LGALS3BP: variants seen among roughly 807,000 people sequenced by gnomAD.
LGALS3BP encodes the protein galectin 3 binding protein, also known as galectin-3-binding protein.
LGALS3BP carries 25 observed loss-of-function variants against 22.9 expected under a neutral mutation model. The ratio of observed to expected loss-of-function variants is 1.09; its 90% confidence interval spans 0.80 to 1.53. The LOEUF (loss-of-function observed/expected upper bound fraction) is 1.53, where lower values mean the gene tolerates loss of function less well. Among genes scored for constraint, LGALS3BP ranks in the 40% most tolerant of loss-of-function variants. LGALS3BP has a pLI of 0.00. For synonymous variants in LGALS3BP, 335 were observed against 331.1 expected (o/e 1.01, Z -0.13); for missense variants, 718 against 752.0 (o/e 0.95, Z 0.53).
chr17:78,971,598 G>A lies in LGALS3BP; in HGVS notation c.1736C>T (p.Thr579Ile). 6.2e-7 allele frequency: 1 copy of A among 1,613,496 alleles called. No homozygotes were observed. The highest frequency in any genetic ancestry group is 8.5e-7 in the Non-Finnish European group (1 of 1,179,958). ...FRTVIRPFYL[T>I]NSSGVD ...CGTCTAGTCCACACCTGAGGAGTTGGTCAGGTAGAAGGGGCGGATGACCGT... is the reference window on the plus strand; with the variant it reads ...CGTCTAGTCCACACCTGAGGAGTTGATCAGGTAGAAGGGGCGGATGACCGT... The change falls in exon 6 of 6, where the codon ACC becomes ATC. Residue 579 changes from threonine (T) to isoleucine (I), a missense_variant. Transcript: ENST00000262776. The surrounding 1 kb of genome is among the most constrained non-coding windows in gnomAD (Gnocchi z 5.6).
chr17:78,973,371 G>T lies in LGALS3BP; in HGVS notation c.377-149C>A. ...GGGAAGACGAGGGACAAGAGAGACC[G>T]GAAGTGTCGGATTCCTGGACCCTGA... is the stretch of plus-strand genomic sequence containing the variant. On this transcript the variant is annotated intron_variant, in intron 4 of 5. Transcript: ENST00000262776. The surrounding 1 kb of genome is among the most constrained non-coding windows in gnomAD (Gnocchi z 5.8). The T allele has an allele frequency of 2.1e-6, 2 of 946,210 alleles. No homozygotes were observed. The highest frequency in any genetic ancestry group is 1.5e-6 in the Non-Finnish European group (1 of 657,814). 58.6% of individuals were successfully genotyped at this position (946,210 alleles called of 1,614,324 possible).
Position 78,971,480 on chromosome 17 carries a change from G to A in LGALS3BP, c.*96C>T. On this transcript the variant is annotated 3_prime_UTR_variant, in exon 6 of 6. Transcript: ENST00000262776. The surrounding 1 kb of genome is among the most constrained non-coding windows in gnomAD (Gnocchi z 5.6). ...GGGCGACATCTGGTGGCCGGTTGTT[G>A]AAGGTCATTGCAGAGAGGAAGGAAG... The A allele has an allele frequency of 8.5e-7, 1 of 1,175,118 alleles. No homozygotes were observed. The highest frequency in any genetic ancestry group is 1.2e-6 in the Non-Finnish European group (1 of 842,866). 72.8% of individuals were successfully genotyped at this position (1,175,118 alleles called of 1,614,324 possible). A position where few individuals can be genotyped will look rare whatever the true frequency, so the allele number is the denominator to read the frequency against.
rs913837954 is a variant in LGALS3BP, at chr17:78,971,840, C to G, written c.1494G>C (p.Ser498=). ...SCWNYGFSCS[S]DELPVLGLTK... The stretch of plus-strand genomic sequence containing the variant: ...TGAGGCCCAGGACAGGGAGCTCGTC[C>G]GAGGAGCAGGAGAAGCCGTAGTTCC... The change falls in exon 6 of 6, where the codon TCG becomes TCC. Residue 498 remains serine, a synonymous_variant. Transcript: ENST00000262776. The surrounding 1 kb of genome is among the most constrained non-coding windows in gnomAD (Gnocchi z 5.6). 6.2e-7 allele frequency: 1 copy of G among 1,613,930 alleles called. No individual in the cohort carries two copies. Among genetic ancestry groups the G allele is most frequent in the African/African-American group, 1.3e-5 (1 of 74,910 alleles).
chr17:78,977,780 G>A (rs369805194), intron 1 of LGALS3BP, among the ~76,000 whole-genome samples: 43 of 152,342 alleles, frequency 2.8e-4, no homozygotes, highest in African/African-American at 9.4e-4. Flanking sequence ...ACAGAGATAA[G>A]TGGCAGGGAG....
At chr17:78,977,977 G>A (rs565734953) in intron 1 of LGALS3BP, among the ~76,000 whole-genome samples, 23 of 152,318 alleles carry the variant, frequency 1.5e-4, no homozygotes, top group African/African-American at 4.3e-4. Context: ...TCTTGCCTCC[G>A]TGTAATTTCC....
intron 1 of LGALS3BP, among the ~76,000 whole-genome samples, chr17:78,977,949 C>T (rs2070734891): frequency 6.6e-6 from 1 of 152,196 alleles, no homozygotes; most frequent in African/African-American, 2.4e-5. Flanking sequence ...TCCGGGTCTC[C>T]ACCTTCTGGC....
At position 78,976,709 on chromosome 17, in the gene LGALS3BP, C is replaced by A. The variant is rs538391371; in HGVS notation, c.52+431G>T. On this transcript the variant is annotated intron_variant, in intron 2 of 5. Coordinates refer to ENST00000262776, the MANE Select transcript of LGALS3BP (RefSeq NM_005567.4). This position sits in a 1 kb window ranked among gnomAD's most constrained non-coding sequence, Gnocchi z 4.6. ...CGGGCAGGAGCTGGGTGCCTGAATC[C>A]AGTCGGGGGTACATCTGGCTTCCAT... 78 of 201,030 alleles carry A rather than the reference C, an allele frequency of 3.9e-4. No homozygotes were observed. The highest frequency in any genetic ancestry group is 1.8e-3 in the African/African-American group (75 of 42,436). The allele number at this position is 201,030 out of a possible 1,614,324, so 12.5% of individuals were successfully genotyped here. A position where few individuals can be genotyped will look rare whatever the true frequency, so the allele number is the denominator to read the frequency against.
At chr17:78,974,488 T>G in intron 4 of LGALS3BP, 200 bp downstream of exon 4, 2 of 587,418 alleles carry the variant, frequency 3.4e-6, no homozygotes, top group Non-Finnish European at 5.9e-6. Flanking sequence ...CAGAAGGGGC[T>G]GGGGAGGAGT....
rs1599199922 is a variant in LGALS3BP at position 78,971,341 on chromosome 17, C to T, written c.*235G>A. On this transcript the variant is annotated 3_prime_UTR_variant, in exon 6 of 6. Transcript: ENST00000262776. The surrounding 1 kb of genome is among the most constrained non-coding windows in gnomAD (Gnocchi z 5.6). Reference sequence around the variant, plus strand: ...CTGTGGGGGGATCCCAGAGCAACCTCGAGGGCGTCCTGGTGCTTACCACCT... The same window carrying T: ...CTGTGGGGGGATCCCAGAGCAACCTTGAGGGCGTCCTGGTGCTTACCACCT... The T allele has an allele frequency of 1.8e-6, 1 of 559,756 alleles. No homozygotes were observed. Among genetic ancestry groups the T allele is most frequent in the Non-Finnish European group, 3.2e-6 (1 of 314,538 alleles). The allele number at this position is 559,756 out of a possible 1,614,324, so 34.7% of individuals were successfully genotyped here.
Position 78,976,931 on chromosome 17 carries a change from C to T in LGALS3BP, c.52+209G>A. 1 of 608,870 alleles carries T rather than the reference C, an allele frequency of 1.6e-6. No homozygotes were observed. The allele number at this position is 608,870 out of a possible 1,614,324, so 37.7% of individuals were successfully genotyped here. On this transcript the variant is annotated intron_variant, in intron 2 of 5. Transcript: ENST00000262776. This position sits in a 1 kb window ranked among gnomAD's most constrained non-coding sequence, Gnocchi z 4.6. The stretch of plus-strand genomic sequence containing the variant: ...GGATTCCCTAGTGTCCTCTCTATAA[C>T]CTGCATCTCACCTGAACCCAGGTGA...
intron 4 of LGALS3BP, 79 bp downstream of exon 4, chr17:78,974,609 G>C: frequency 6.7e-7 from 1 of 1,488,834 alleles, no homozygotes; most frequent in Non-Finnish European, 9.2e-7. Context: ...GTGCGTGGGG[G>C]GGTGGTGCTG....
chr17:78,972,456 G>A lies in LGALS3BP; in HGVS notation c.878C>T (p.Ala293Val), dbSNP rs2070681916. The change falls in exon 6 of 6, where the codon GCC (alanine) becomes GTC (valine). Residue 293 changes from alanine to valine, a missense_variant. Physicochemically the swap from Ala to Val is moderately conservative, Grantham distance 64. Coordinates refer to ENST00000262776, the MANE Select transcript of LGALS3BP (RefSeq NM_005567.4). The surrounding 1 kb of genome is among the most constrained non-coding windows in gnomAD (Gnocchi z 5.1). ...LAWNFEALTQ[A>V]EAWPSVPTDL... ...TGTGGGGACACTGGGCCAGGCCTCG[G>A]CCTGCGTCAAGGCCTCGAAGTTCCA... The A allele has an allele frequency of 4.3e-6, 7 of 1,613,308 alleles. No homozygotes were observed. The highest frequency in any genetic ancestry group is 1.1e-5 in the South Asian group (1 of 91,082).
chr17:78,975,976 G>A lies in LGALS3BP; in HGVS notation c.233C>T (p.Ala78Val), dbSNP rs1297768908. 1.9e-6 allele frequency: 3 copies of A among 1,608,352 alleles called. No homozygotes were observed. The highest frequency in any genetic ancestry group is 2.5e-6 in the Non-Finnish European group (3 of 1,177,812). Residue 78 changes from alanine to valine, a missense_variant, in exon 3 of 6, where the codon GCC becomes GTC. Ala to Val is a moderately conservative substitution (Grantham distance 64, BLOSUM62 0). Transcript: ENST00000262776. Reference sequence around the variant, plus strand: ...ACAGCAGGCCCTACCTTGCCCGAAGGCAGCTCTGCCCAGAGCCTGGGTGGC... The same window carrying A: ...ACAGCAGGCCCTACCTTGCCCGAAGACAGCTCTGCCCAGAGCCTGGGTGGC... ...ENATQALGRA[A>V]FGQGSGPIML...
rs1019815311 is a variant in LGALS3BP at position 78,973,441 on chromosome 17, T to C, written c.377-219A>G. The C allele has an allele frequency of 7.8e-5, 44 of 562,022 alleles. No homozygotes were observed. The highest frequency in any genetic ancestry group is 1.2e-4 in the Non-Finnish European group (40 of 322,910). The allele number at this position is 562,022 out of a possible 1,614,324, so 34.8% of individuals were successfully genotyped here. On this transcript the variant is annotated intron_variant, in intron 4 of 5. Transcript: ENST00000262776. This position sits in a 1 kb window ranked among gnomAD's most constrained non-coding sequence, Gnocchi z 5.8. ...CTGGGGAACAAGAGCAGCTAGGACC[T>C]GGCCAAGCCTGTCCAGGCCCCCGCT...
In LGALS3BP at chr17:78,976,257, G is replaced by T; in HGVS notation, c.53-101C>A. The stretch of plus-strand genomic sequence containing the variant: ...GTCCTGGGTCTCCCCTGCTGAGCTT[G>T]TATTTCAGGGCTTCAAGGTCCCCTG... On this transcript the variant is annotated intron_variant, in intron 2 of 5. Transcript: ENST00000262776. The surrounding 1 kb of genome is among the most constrained non-coding windows in gnomAD (Gnocchi z 4.6). 3 of 1,085,624 alleles carry T rather than the reference G, an allele frequency of 2.8e-6. No individual in the cohort carries two copies. Among genetic ancestry groups the T allele is most frequent in the Non-Finnish European group, 3.8e-6 (3 of 781,992 alleles). 67.2% of individuals were successfully genotyped at this position (1,085,624 alleles called of 1,614,324 possible).
rs895560775 is a variant in LGALS3BP, at chr17:78,976,921, C to A, written c.52+219G>T. The A allele has an allele frequency of 1.7e-6, 1 of 589,844 alleles. No homozygotes were observed. Among genetic ancestry groups the A allele is most frequent in the East Asian group, 2.9e-5 (1 of 34,782 alleles). 36.5% of individuals were successfully genotyped at this position (589,844 alleles called of 1,614,324 possible). On this transcript the variant is annotated intron_variant, in intron 2 of 5. Coordinates refer to ENST00000262776, the MANE Select transcript of LGALS3BP (RefSeq NM_005567.4). The surrounding 1 kb of genome is among the most constrained non-coding windows in gnomAD (Gnocchi z 4.6). Reference sequence around the variant, plus strand: ...ACGGAATGGAGGATTCCCTAGTGTCCTCTCTATAACCTGCATCTCACCTGA... The same window carrying A: ...ACGGAATGGAGGATTCCCTAGTGTCATCTCTATAACCTGCATCTCACCTGA...
Position 78,976,058 on chromosome 17 carries a change from T to G in LGALS3BP, c.151A>C (p.Asn51His). The change falls in exon 3 of 6, where the codon AAC (asparagine) becomes CAC (histidine). Residue 51 changes from asparagine to histidine, a missense_variant. Transcript: ENST00000262776. This position sits in a 1 kb window ranked among gnomAD's most constrained non-coding sequence, Gnocchi z 4.6. ...YRGQWGTVCD[N>H]LWDLTDASVV... is the part of the protein sequence containing the mutation. ...CTGGCATCAGTCAGGTCCCACAGGT[T>G]GTCACACACAGTGCCCCACTGGCCT... The G allele has an allele frequency of 1.2e-6, 2 of 1,612,514 alleles. No homozygotes were observed. The highest frequency in any genetic ancestry group is 2.2e-5 in the South Asian group (2 of 90,872).
chr17:78,972,187 A>C lies in LGALS3BP; in HGVS notation c.1147T>G (p.Phe383Val). The C allele has an allele frequency of 1.2e-6, 2 of 1,614,024 alleles. No individual in the cohort carries two copies. Among genetic ancestry groups the C allele is most frequent in the Non-Finnish European group, 1.7e-6 (2 of 1,180,018 alleles). ...AGCAACTGGAAGGGCACAGTGTGGAATTCCAGGGCCTGCAGAGTCTTCTTC... is the reference window on the plus strand; with the variant it reads ...AGCAACTGGAAGGGCACAGTGTGGACTTCCAGGGCCTGCAGAGTCTTCTTC... ...FQKKTLQALE[F>V]HTVPFQLLAR... The change falls in exon 6 of 6, where the codon TTC becomes GTC. Residue 383 changes from phenylalanine to valine, a missense_variant. Physicochemically the swap from Phe to Val is conservative, Grantham distance 50 (BLOSUM62 -1). Transcript: ENST00000262776. The surrounding 1 kb of genome is among the most constrained non-coding windows in gnomAD (Gnocchi z 5.1).
chr17:78,973,387 T>A lies in LGALS3BP; in HGVS notation c.377-165A>T. On this transcript the variant is annotated intron_variant, in intron 4 of 5. Transcript: ENST00000262776. The surrounding 1 kb of genome is among the most constrained non-coding windows in gnomAD (Gnocchi z 5.8). ...AGAGAGACCGGAAGTGTCGGATTCCTGGACCCTGAGGCCCCGCCCCTTCCA... is the reference window on the plus strand; with the variant it reads ...AGAGAGACCGGAAGTGTCGGATTCCAGGACCCTGAGGCCCCGCCCCTTCCA... 1.2e-6 allele frequency: 1 copy of A among 864,878 alleles called. No homozygotes were observed. The allele number at this position is 864,878 out of a possible 1,614,324, so 53.6% of individuals were successfully genotyped here. A position where few individuals can be genotyped will look rare whatever the true frequency, so the allele number is the denominator to read the frequency against.
Sources: allele counts gnomAD v4.1 joint callset (sites outside exome capture counted in the v4.1 genomes callset), GRCh38; gene constraint gnomAD v4.1.1; non-coding constraint Gnocchi (gnomAD v3.1); transcripts MANE v1.5; gene names NCBI Gene and HGNC (gene_info 2026-07-23, HGNC 2026-07-21).